Variants in BTBD9 observed in about 807,000 individuals in gnomAD.
The protein encoded by BTBD9 is BTB/POZ domain-containing protein 9.
A neutral mutation model predicts 64.3 loss-of-function variants in BTBD9; 49 were observed. The ratio of observed to expected loss-of-function variants is 0.76; its 90% CI spans 0.61 to 0.97. The LOEUF is 0.97. Ranked by LOEUF, BTBD9 falls within the 50% of genes least tolerant of loss-of-function variation. The probability of loss-of-function intolerance (pLI) is 0.00; values close to 1 mark genes in which losing one functional copy is unlikely to be tolerated. For synonymous variants in BTBD9, 260 were observed against 274.7 expected (o/e 0.95, Z 0.53); for missense variants, 598 against 762.1 (o/e 0.78, Z 2.53).
intron 6 of BTBD9, chr6:38,402,786 A>G: frequency 1.4e-6 from 1 of 699,918 alleles, no homozygotes; most frequent in Non-Finnish European, 2.6e-6. Context: ...AACCTAAATC[A>G]GCAAGACTTG....
At chr6:38,629,698 TG>T (rs1232711219) in intron 1 of BTBD9, among the ~76,000 whole-genome samples, 1 of 152,012 alleles carries the variant, frequency 6.6e-6, no homozygotes, top group East Asian at 1.9e-4. Context: ...GGCATGTGCC[TG>T]TAATCCCAGC....
intron 6 of BTBD9, among the ~76,000 whole-genome samples, chr6:38,444,740 T>C (rs1331232673): frequency 1.3e-5 from 2 of 152,214 alleles, no homozygotes; most frequent in African/African-American, 4.8e-5. Flanking sequence ...ACTATTATTA[T>C]TACTTGGTTT....
At chr6:38,263,508 A>G (rs974841156) in intron 8 of BTBD9, among the ~76,000 whole-genome samples, 2 of 152,228 alleles carry the variant, frequency 1.3e-5, no homozygotes, top group African/African-American at 2.4e-5. Context: ...TGCCCAATCC[A>G]TGCTGGGCTA....
At chr6:38,342,434 G>A (rs774775149) in intron 7 of BTBD9, among the ~76,000 whole-genome samples, 4 of 151,514 alleles carry the variant, frequency 2.6e-5, no homozygotes, top group Non-Finnish European at 5.9e-5. Context: ...TACTTTGGAG[G>A]CTGAGACAGG....
At chr6:38,443,797 T>A (rs1769149471) in intron 6 of BTBD9, among the ~76,000 whole-genome samples, 1 of 152,112 alleles carries the variant, frequency 6.6e-6, no homozygotes, top group Non-Finnish European at 1.5e-5. Context: ...TAGCATCTCT[T>A]CTCTCATCAA....
chr6:38,219,301 A>ATTTT (rs11389502), intron 9 of BTBD9, among the ~76,000 whole-genome samples: 2 of 136,750 alleles, frequency 1.5e-5, no homozygotes, highest in Non-Finnish European at 3.1e-5. Flanking sequence ...CACCCAGCTA[A>ATTTT]TTTTTTTTTT....
At chr6:38,200,130 G>C (rs1027756191) in intron 9 of BTBD9, among the ~76,000 whole-genome samples, 99 of 152,214 alleles carry the variant, frequency 6.5e-4, no homozygotes, top group African/African-American at 2.2e-3. Context: ...TACCACAGCA[G>C]GGGCTGAGGT....
chr6:38,440,848 C>T (rs764097065), intron 6 of BTBD9, among the ~76,000 whole-genome samples: 1 of 152,122 alleles, frequency 6.6e-6, no homozygotes, highest in African/African-American at 2.4e-5. Flanking sequence ...AGATATAACA[C>T]CGGTCAGGGA....
rs183437414 is a variant in BTBD9, at chr6:38,356,054, C to T, written c.1155-10961G>A. Among the ~76,000 whole-genome samples, 208 of 152,206 alleles carry T rather than the reference C, an allele frequency of 1.4e-3. 2 individuals are homozygous for T. The highest frequency in any genetic ancestry group is 2.2e-3 in the Admixed American group (34 of 15,296). The stretch of plus-strand genomic sequence containing the variant: ...ACCTTCTAGTTTTGCTTTTGAGAAG[C>T]CACTATGATACCAGATCAGGTTATT... On this transcript the variant is annotated intron_variant, in intron 6 of 10. Coordinates refer to ENST00000481247, the MANE Select transcript of BTBD9 (RefSeq NM_001099272.2).
chr6:38,205,638 G>A (rs1381428227), intron 9 of BTBD9, among the ~76,000 whole-genome samples: 4 of 151,838 alleles, frequency 2.6e-5, no homozygotes, highest in Admixed American at 2.6e-4. Context: ...ACCAACTTAA[G>A]ATAAAGAAAG....
intron 6 of BTBD9, among the ~76,000 whole-genome samples, chr6:38,571,974 TCACA>T (rs3047794): frequency 6.8e-6 from 1 of 147,990 alleles, no homozygotes; most frequent in Admixed American, 6.7e-5. Flanking sequence ...AAAGAAACAA[TCACA>T]CACACACACA....
At chr6:38,464,291 T>C (rs1235776032) in intron 6 of BTBD9, among the ~76,000 whole-genome samples, 3 of 152,134 alleles carry the variant, frequency 2.0e-5, no homozygotes, top group Non-Finnish European at 4.4e-5. Context: ...TTATGACATA[T>C]TGTTATGGCA....
chr6:38,312,209 T>C (rs1318144238), intron 7 of BTBD9, among the ~76,000 whole-genome samples: 1 of 152,198 alleles, frequency 6.6e-6, no homozygotes, highest in Non-Finnish European at 1.5e-5. Context: ...ATGTCTTCTC[T>C]TGAGAAATGT....
intron 1 of BTBD9, among the ~76,000 whole-genome samples, chr6:38,602,555 A>G (rs1467440890): frequency 6.6e-6 from 1 of 152,126 alleles, no homozygotes; most frequent in African/African-American, 2.4e-5. Context: ...TTAAGTCACT[A>G]GACTGGGGCT....
At chr6:38,316,564 G>A (rs931886861) in intron 7 of BTBD9, among the ~76,000 whole-genome samples, 2 of 152,046 alleles carry the variant, frequency 1.3e-5, no homozygotes, top group Non-Finnish European at 2.9e-5. Context: ...GAAAAAAGAA[G>A]ACTAATAAAA....
chr6:38,217,318 C>CAAAAAAAAAAAAAAAAAAAAAAAAA (rs3047754), intron 9 of BTBD9, among the ~76,000 whole-genome samples: 2 of 69,254 alleles, frequency 2.9e-5, no homozygotes, highest in African/African-American at 6.2e-5. Flanking sequence ...GACTCCATCT[C>CAAAAAAAAAAAAAAAAAAAAAAAAA]AAAAAAAAAA....
chr6:38,222,757 T>TA (rs1031395914), intron 9 of BTBD9, among the ~76,000 whole-genome samples: 6 of 152,062 alleles, frequency 3.9e-5, no homozygotes, highest in Non-Finnish European at 7.4e-5. Context: ...AAATAAAAAG[T>TA]AAATGTAAAG....
intron 5 of BTBD9, among the ~76,000 whole-genome samples, chr6:38,578,895 A>C (rs940277489): frequency 6.6e-6 from 1 of 152,116 alleles, no homozygotes; most frequent in African/African-American, 2.4e-5. Context: ...CAAACATACT[A>C]AACTTTTCTT....
Position 38,203,564 on chromosome 6 carries a change from G to A in BTBD9, c.1563-10967C>T, listed in dbSNP as rs117323800. Among the ~76,000 whole-genome samples, 210 of 152,240 alleles carry A rather than the reference G, an allele frequency of 1.4e-3. 5 individuals carry two copies. The East Asian group carries it at 0.033, about 24-fold the overall frequency. ...TATTTACATAATGCAATACTGTTTG[G>A]CCATAAAAAAGAATGAAATCATGTC... On this transcript the variant is annotated intron_variant, in intron 9 of 10. Coordinates refer to ENST00000481247, the MANE Select transcript of BTBD9 (RefSeq NM_001099272.2).
Sources: allele counts gnomAD v4.1 joint callset (sites outside exome capture counted in the v4.1 genomes callset), GRCh38; gene constraint gnomAD v4.1.1; transcripts MANE v1.5; gene names NCBI Gene and HGNC (gene_info 2026-07-23, HGNC 2026-07-21).